LINGO2: variants seen among roughly 807,000 people sequenced by gnomAD.
LINGO2 encodes the protein leucine-rich repeat and immunoglobulin-like domain-containing nogo receptor-interacting protein 2.
LINGO2 carries 14 observed loss-of-function variants against 30.6 expected under a neutral mutation model. The ratio of observed to expected loss-of-function variants is 0.46; its 90% confidence interval spans 0.30 to 0.72. The LOEUF (loss-of-function observed/expected upper bound fraction) is 0.72. Ranked by LOEUF, LINGO2 falls within the 30% of genes least tolerant of loss-of-function variation. The probability of loss-of-function intolerance (pLI) is 0.07; values close to 1 mark genes in which losing one functional copy is unlikely to be tolerated. For synonymous variants in LINGO2, 317 were observed against 288.5 expected, an observed-to-expected ratio of 1.10 and a Z score of -1.00; for missense variants, 729 against 751.7, an observed-to-expected ratio of 0.97 and a Z score of 0.35.
chr9:28,888,848 A>G, the LINGO2 span: 1 of 532,804 alleles, frequency 1.9e-6, no homozygotes, highest in South Asian at 1.4e-5. Context: ...AATGTTGTCC[A>G]TTGCAAAGCA....
intron 4 of LINGO2, among the ~76,000 whole-genome samples, chr9:28,106,136 C>A (rs1481803464): frequency 2.0e-5 from 3 of 152,062 alleles, no homozygotes; most frequent in Non-Finnish European, 4.4e-5. Flanking sequence ...TGAGGTGGAA[C>A]AGTTTCATTC....
the LINGO2 span, among the ~76,000 whole-genome samples, chr9:28,957,553 C>T: frequency 6.6e-6 from 1 of 152,154 alleles, no homozygotes; most frequent in Non-Finnish European, 1.5e-5. Flanking sequence ...TGAGGCTTCA[C>T]AGTTCCAGGT....
chr9:28,548,368 A>C (rs1387767220), intron 1 of LINGO2, among the ~76,000 whole-genome samples: 1 of 152,124 alleles, frequency 6.6e-6, no homozygotes, highest in Non-Finnish European at 1.5e-5. Flanking sequence ...TGAAAAATAA[A>C]AACAAAAGTT....
the LINGO2 span, among the ~76,000 whole-genome samples, chr9:28,906,554 T>C: frequency 1.3e-5 from 2 of 151,906 alleles, no homozygotes; most frequent in African/African-American, 4.8e-5. Flanking sequence ...CAAGTGTGCA[T>C]TGCCTTCCAG....
At chr9:28,798,874 T>C in the LINGO2 span, among the ~76,000 whole-genome samples, 1 of 151,994 alleles carries the variant, frequency 6.6e-6, no homozygotes, top group Non-Finnish European at 1.5e-5. Flanking sequence ...TAAGGACACA[T>C]ATGTGAGAGG....
At position 28,148,733 on chromosome 9, in the gene LINGO2, C is replaced by G. The variant is rs1827890840; in HGVS notation, c.-86-136328G>C. On this transcript the variant is annotated intron_variant, in intron 4 of 5. Transcript: ENST00000379992. This position sits in a 1 kb window ranked among gnomAD's most constrained non-coding sequence, Gnocchi z 5.1. ...TTCACACAGCCCTGCTGGAGGCATC[C>G]TTCCCTTTGGGAAGCCTGACCCACT... 1.3e-6 allele frequency: 2 copies of G among 1,533,860 alleles called. No individual in the cohort carries two copies. Among genetic ancestry groups the G allele is most frequent in the African/African-American group, 1.4e-5 (1 of 73,112 alleles).
intron 1 of LINGO2, among the ~76,000 whole-genome samples, chr9:28,510,192 C>A (rs1820313982): frequency 6.6e-6 from 1 of 152,074 alleles, no homozygotes; most frequent in South Asian, 2.1e-4. Flanking sequence ...ATACAGTTGA[C>A]CCTAGAACAA....
chr9:28,950,048 A>T, the LINGO2 span, among the ~76,000 whole-genome samples: 1 of 152,170 alleles, frequency 6.6e-6, no homozygotes, highest in African/African-American at 2.4e-5. Context: ...TATCCACCAC[A>T]AACAAGTTGG....
At chr9:28,781,655 CAT>C in the LINGO2 span, among the ~76,000 whole-genome samples, 8 of 151,992 alleles carry the variant, frequency 5.3e-5, no homozygotes, top group Non-Finnish European at 1.2e-4. Context: ...TACAAGAACA[CAT>C]GTTGCCAAAA....
chr9:28,501,546 C>T (rs775124422), intron 1 of LINGO2, among the ~76,000 whole-genome samples: 4 of 152,110 alleles, frequency 2.6e-5, no homozygotes, highest in Non-Finnish European at 5.9e-5. Flanking sequence ...CTAAAAATAT[C>T]AGTGACCACT....
intron 4 of LINGO2, among the ~76,000 whole-genome samples, chr9:28,242,590 C>T (rs1821839794): frequency 6.6e-6 from 1 of 152,138 alleles, no homozygotes; most frequent in Non-Finnish European, 1.5e-5. Context: ...CCTAGCAAGA[C>T]AGGCCAACAT....
At chr9:29,020,151 T>C in the LINGO2 span, among the ~76,000 whole-genome samples, 2 of 152,186 alleles carry the variant, frequency 1.3e-5, no homozygotes, top group Non-Finnish European at 1.5e-5. Context: ...CTGAAATGGC[T>C]AACATATGCT....
intron 1 of LINGO2, among the ~76,000 whole-genome samples, chr9:28,489,040 G>T (rs1826282621): frequency 6.6e-6 from 1 of 152,204 alleles, no homozygotes; most frequent in African/African-American, 2.4e-5. Flanking sequence ...GAACTGCAAA[G>T]ATGTTTAAAG....
chr9:28,570,115 G>A lies in LINGO2; in HGVS notation c.-364-94090C>T, dbSNP rs555656255. Among the ~76,000 whole-genome samples the A allele has an allele frequency of 9.9e-5, 15 of 151,964 alleles. No individual in the cohort carries two copies. The South Asian group carries it at 2.9e-3, about 29-fold the overall frequency. On this transcript the variant is annotated intron_variant, in intron 1 of 5. Coordinates refer to ENST00000379992, the Ensembl canonical transcript of LINGO2. Reference sequence around the variant, plus strand: ...ACAAATATTTTTAAAACAGACATATGTGGCCAAAAAATTCTAAATATTTTG... The same window carrying A: ...ACAAATATTTTTAAAACAGACATATATGGCCAAAAAATTCTAAATATTTTG...
At chr9:28,998,753 G>C in the LINGO2 span, among the ~76,000 whole-genome samples, 1 of 151,938 alleles carries the variant, frequency 6.6e-6, no homozygotes, top group Non-Finnish European at 1.5e-5. Context: ...ACAGTTAAAG[G>C]CCTCTTAGTT....
chr9:29,087,672 T>A, the LINGO2 span, among the ~76,000 whole-genome samples: 1 of 152,104 alleles, frequency 6.6e-6, no homozygotes, highest in African/African-American at 2.4e-5. Flanking sequence ...TAGACTAGAA[T>A]TTGCTTAAGT....
At chr9:28,028,486 T>TG (rs1450028845) in intron 4 of LINGO2, among the ~76,000 whole-genome samples, 85 of 152,254 alleles carry the variant, frequency 5.6e-4, no homozygotes, top group African/African-American at 2.0e-3. Flanking sequence ...CAAATGTATA[T>TG]ACACGTAACA....
the LINGO2 span, among the ~76,000 whole-genome samples, chr9:29,139,527 A>G: frequency 6.6e-6 from 1 of 152,170 alleles, no homozygotes; most frequent in African/African-American, 2.4e-5. Context: ...GGAAGATGGC[A>G]AAATATGAAG....
the LINGO2 span, among the ~76,000 whole-genome samples, chr9:28,773,954 A>G: frequency 6.6e-6 from 1 of 151,990 alleles, no homozygotes; most frequent in African/African-American, 2.4e-5. Context: ...AGGAATTGGT[A>G]TTTTTGTAAA....
Sources: gnomAD v4.1 joint callset for allele counts (sites outside exome capture counted in the v4.1 genomes callset) on GRCh38, gnomAD v4.1.1 for gene constraint, Gnocchi (gnomAD v3.1) non-coding constraint, MANE v1.5 for transcripts, NCBI Gene and HGNC (gene_info 2026-07-23, HGNC 2026-07-21) for gene names.